The following RAB44 variants were observed in gnomAD, a reference collection of about 807,000 sequenced individuals.
The protein encoded by RAB44 is RAB44, member RAS oncogene family.
RAB44 carries 67 observed loss-of-function variants against 93.3 expected under a neutral mutation model. The observed-to-expected ratio is 0.72, with a 90% CI of 0.59 to 0.88. The LOEUF is 0.88. RAB44 is among the 40% of genes least tolerant of loss of function. The pLI is 0.00. For synonymous variants in RAB44, 427 were observed against 520.3 expected, an observed-to-expected ratio of 0.82 and a Z score of 2.44; for missense variants, 1,064 against 1,261.7, an observed-to-expected ratio of 0.84 and a Z score of 2.37.
In RAB44 at chr6:36,722,610, C is replaced by T; in HGVS notation, c.2476C>T (p.Pro826Ser). The change falls in exon 9 of 14, where the codon CCC (proline) becomes TCC (serine). Residue 826 changes from proline (P) to serine (S), a missense_variant. Physicochemically the swap from Pro to Ser is moderately conservative, Grantham distance 74. Transcript: ENST00000612677. ...SPGDPMAGGG[P>S]QANPDYLFHV... ...GGGAGACCCCATGGCTGGAGGGGGA[C>T]CCCAGGCCAACCCTGATTACCTCTT... 1 of 1,550,598 alleles carries T rather than the reference C, an allele frequency of 6.4e-7. No individual in the cohort carries two copies. Among genetic ancestry groups the T allele is most frequent in the East Asian group, 2.4e-5 (1 of 40,916 alleles).
In RAB44 at chr6:36,712,702, A is replaced by G. The variant is rs568941435; in HGVS notation, c.208-1126A>G. Among the ~76,000 whole-genome samples the G allele has an allele frequency of 7.9e-5, 12 of 152,314 alleles. No individual in the cohort carries two copies. The East Asian group carries it at 2.3e-3, about 29-fold the overall frequency. Reference sequence around the variant, plus strand: ...CTAATTTGAGATCACAAATAGAAAAACAAACAACAACAGCAACAACAAAAC... The same window carrying G: ...CTAATTTGAGATCACAAATAGAAAAGCAAACAACAACAGCAACAACAAAAC... On this transcript the variant is annotated intron_variant, in intron 2 of 13. Coordinates refer to ENST00000612677, the MANE Select transcript of RAB44 (RefSeq NM_001257357.2).
intron 1 of RAB44, among the ~76,000 whole-genome samples, chr6:36,702,254 T>G (rs1372556876): frequency 6.6e-6 from 1 of 151,282 alleles, no homozygotes; most frequent in African/African-American, 2.4e-5. Flanking sequence ...GTTTTACATT[T>G]ATGATCTTAA....
Position 36,715,659 on chromosome 6 carries a change from G to C in RAB44, c.494+6G>C, listed in dbSNP as rs1039375181. On this transcript the variant is annotated splice_donor_region_variant and intron_variant, in intron 4 of 13. Coordinates refer to ENST00000612677, the MANE Select transcript of RAB44 (RefSeq NM_001257357.2). Reference sequence around the variant, plus strand: ...ACTGGACACTTACTTCCCAAGTAAGGCCAGGGCGGCATGTGCATGGGGAGA... The same window carrying C: ...ACTGGACACTTACTTCCCAAGTAAGCCCAGGGCGGCATGTGCATGGGGAGA... 6.5e-7 allele frequency: 1 copy of C among 1,535,440 alleles called. No homozygotes were observed. Among genetic ancestry groups the C allele is most frequent in the Non-Finnish European group, 8.7e-7 (1 of 1,146,492 alleles).
At chr6:36,710,046 G>T (rs1762743478) in intron 2 of RAB44, among the ~76,000 whole-genome samples, 1 of 152,204 alleles carries the variant, frequency 6.6e-6, no homozygotes, top group South Asian at 2.1e-4. Flanking sequence ...AATATGCAAT[G>T]CATAACAGAA....
At position 36,731,319 on chromosome 6, in the gene RAB44, A is replaced by G. The variant is rs189290491; in HGVS notation, c.2975+570A>G. On this transcript the variant is annotated intron_variant, in intron 13 of 13. Transcript: ENST00000612677. The surrounding 1 kb of genome is among the most constrained non-coding windows in gnomAD (Gnocchi z 4.0). Reference sequence around the variant, plus strand: ...GTCCTTCATGGCCCTTCTTGACACGACACATATTAATGATATATGCATTTA... The same window carrying G: ...GTCCTTCATGGCCCTTCTTGACACGGCACATATTAATGATATATGCATTTA... Among the ~76,000 whole-genome samples, 498 of 152,178 alleles carry G rather than the reference A, an allele frequency of 3.3e-3. No homozygotes were observed. Among genetic ancestry groups the G allele is most frequent in the African/African-American group, 0.011 (463 of 41,500 alleles).
intron 2 of RAB44, among the ~76,000 whole-genome samples, chr6:36,706,486 T>G (rs1265648130): frequency 3.3e-5 from 5 of 152,144 alleles, no homozygotes; most frequent in African/African-American, 1.2e-4. Flanking sequence ...CAGGAAGCAA[T>G]CCCTGTCGTT....
In RAB44 at chr6:36,721,867, G is replaced by A; in HGVS notation, c.1733G>A (p.Gly578Asp). 1 of 1,235,134 alleles carries A rather than the reference G, an allele frequency of 8.1e-7. No individual in the cohort carries two copies. Among genetic ancestry groups the A allele is most frequent in the Non-Finnish European group, 1.0e-6 (1 of 988,834 alleles). 76.5% of individuals were successfully genotyped at this position (1,235,134 alleles called of 1,614,324 possible). Residue 578 changes from glycine to aspartate, a missense_variant, in exon 9 of 14, where the codon GGC becomes GAC. Gly to Asp is a moderately conservative substitution (Grantham distance 94). Coordinates refer to ENST00000612677, the MANE Select transcript of RAB44 (RefSeq NM_001257357.2). ...CCCACAACTGCCCTCACAGGAGTGGGCCCAGCCAAGCCGCCCAGGCAGAGA... is the reference window on the plus strand; with the variant it reads ...CCCACAACTGCCCTCACAGGAGTGGACCCAGCCAAGCCGCCCAGGCAGAGA... ...PSPTTALTGV[G>D]PAKPPRQRDA...
In RAB44 at chr6:36,715,665, G is replaced by A; in HGVS notation, c.494+12G>A. 6.5e-7 allele frequency: 1 copy of A among 1,535,372 alleles called. No individual in the cohort carries two copies. The highest frequency in any genetic ancestry group is 1.7e-4 in the Middle Eastern group (1 of 5,892). ...CACTTACTTCCCAAGTAAGGCCAGG[G>A]CGGCATGTGCATGGGGAGAGGCTCT... On this transcript the variant is annotated intron_variant, in intron 4 of 13. Transcript: ENST00000612677.
intron 2 of RAB44, among the ~76,000 whole-genome samples, chr6:36,709,498 G>T (rs2150328237): frequency 6.6e-6 from 1 of 152,298 alleles, no homozygotes; most frequent in South Asian, 2.1e-4. Flanking sequence ...AGTTTTGTTT[G>T]TCTGTCGCTA....
Position 36,718,668 on chromosome 6 carries a change from T to C in RAB44, c.828+80T>C, listed in dbSNP as rs1261015693. The C allele has an allele frequency of 2.6e-5, 17 of 660,772 alleles. No individual in the cohort carries two copies. In the East Asian group the frequency reaches 5.8e-4, roughly 23 times the overall value. 40.9% of individuals were successfully genotyped at this position (660,772 alleles called of 1,614,324 possible). On this transcript the variant is annotated intron_variant, in intron 7 of 13. Coordinates refer to ENST00000612677, the MANE Select transcript of RAB44 (RefSeq NM_001257357.2). ...GAACCTCAGTTTCCTATCAGAGACA[T>C]GGAAATCAGAACTCCTGCCTTAGAA... is the stretch of plus-strand genomic sequence containing the variant.
At chr6:36,709,133 G>A (rs1303358657) in intron 2 of RAB44, among the ~76,000 whole-genome samples, 1 of 151,568 alleles carries the variant, frequency 6.6e-6, no homozygotes, top group Non-Finnish European at 1.5e-5. Flanking sequence ...TTTATTTTTA[G>A]TAGAGACGGG....
intron 9 of RAB44, among the ~76,000 whole-genome samples, chr6:36,723,631 C>T (rs1012910360): frequency 1.3e-5 from 2 of 151,708 alleles, no homozygotes; most frequent in Non-Finnish European, 2.9e-5. Context: ...GTCAGGAGAT[C>T]GAGACCATCC....
At chr6:36,701,702 T>C (rs1405134326) in intron 1 of RAB44, among the ~76,000 whole-genome samples, 1 of 152,152 alleles carries the variant, frequency 6.6e-6, no homozygotes, top group Non-Finnish European at 1.5e-5. Flanking sequence ...ACTGTAATTA[T>C]GTTTGTGTCT....
At chr6:36,727,740 G>A in intron 11 of RAB44, 49 bp downstream of exon 11, 1 of 1,215,228 alleles carries the variant, frequency 8.2e-7, no homozygotes. Flanking sequence ...AGTCAAGAGG[G>A]ATCTTATATC....
At chr6:36,712,199 A>G (rs1449806398) in intron 2 of RAB44, among the ~76,000 whole-genome samples, 1 of 151,896 alleles carries the variant, frequency 6.6e-6, no homozygotes, top group Non-Finnish European at 1.5e-5. Flanking sequence ...GCTACTCAAG[A>G]GGCTGAGGCA....
chr6:36,719,009 A>G (rs1161070713), intron 7 of RAB44, among the ~76,000 whole-genome samples: 5 of 151,790 alleles, frequency 3.3e-5, no homozygotes, highest in Non-Finnish European at 5.9e-5. Flanking sequence ...TCACCTCAGG[A>G]GAATGGTTCA....
At chr6:36,727,486 A>G in intron 10 of RAB44, 91 bp from the exon 11 acceptor site, 2 of 773,820 alleles carry the variant, frequency 2.6e-6, no homozygotes, top group Non-Finnish European at 2.2e-6. Context: ...GGAAGCAATT[A>G]GAAGTAGGAT....
chr6:36,723,186 AG>A (rs1231272625), intron 9 of RAB44, among the ~76,000 whole-genome samples: 4 of 152,250 alleles, frequency 2.6e-5, no homozygotes, highest in Non-Finnish European at 4.4e-5. Context: ...GTGGTAAATT[AG>A]GAAGCCAGGT....
chr6:36,713,912 T>A lies in RAB44; in HGVS notation c.292T>A (p.Ser98Thr). ...GGATGTGGAGCGGAAGGGACACCTG[T>A]CCCTTGAAGAATTCAGCTCTGGACT... ...WVDVERKGHL[S>T]LEEFSSGLKN... The change falls in exon 3 of 14, where the codon TCC (serine) becomes ACC (threonine). Residue 98 changes from serine (S) to threonine (T), a missense_variant. Ser to Thr is a moderately conservative substitution (Grantham distance 58). Coordinates refer to ENST00000612677, the MANE Select transcript of RAB44 (RefSeq NM_001257357.2). 6.5e-7 allele frequency: 1 copy of A among 1,535,154 alleles called. No individual in the cohort carries two copies. Among genetic ancestry groups the A allele is most frequent in the South Asian group, 1.2e-5 (1 of 84,050 alleles).
Sources: gnomAD v4.1 joint callset for allele counts (sites outside exome capture counted in the v4.1 genomes callset) on GRCh38, gnomAD v4.1.1 for gene constraint, Gnocchi (gnomAD v3.1) non-coding constraint, MANE v1.5 for transcripts, NCBI Gene and HGNC (gene_info 2026-07-23, HGNC 2026-07-21) for gene names.